PDRG1: variants seen among roughly 807,000 people sequenced by gnomAD.
The protein encoded by PDRG1 is p53 and DNA damage regulated 1, also known as p53 and DNA damage-regulated protein 1.
In PDRG1, 14 loss-of-function variants were observed where a neutral mutation model predicts 18.4. The observed-to-expected ratio is 0.76, with a 90% CI of 0.50 to 1.19. The LOEUF (loss-of-function observed/expected upper bound fraction) is 1.19, where lower values mean the gene tolerates loss of function less well. Among genes scored for constraint, PDRG1 ranks in the 50% most tolerant of loss-of-function variants. The pLI is 0.00. For synonymous variants in PDRG1, 65 were observed against 60.9 expected (o/e 1.07, Z -0.31); for missense variants, 177 against 160.1 (o/e 1.11, Z -0.57).
chr20:31,951,640 GC>G (rs1312303879), intron 1 of PDRG1, among the ~76,000 whole-genome samples: 1 of 152,186 alleles, frequency 6.6e-6, no homozygotes, highest in African/African-American at 2.4e-5. Flanking sequence ...CAGGGAAACG[GC>G]CCAGAGCATG....
In PDRG1 at chr20:31,951,998, C is replaced by G. The variant is rs781512309; in HGVS notation, c.-37G>C. ...ACTCCGCTTGCGGCTCTCGCGCGACCCCGGGATCTCCGCTTCGACTCCCGC... is the reference window on the plus strand; with the variant it reads ...ACTCCGCTTGCGGCTCTCGCGCGACGCCGGGATCTCCGCTTCGACTCCCGC... On this transcript the variant is annotated 5_prime_UTR_variant, in exon 1 of 5. Transcript: ENST00000202017. 1.1e-5 allele frequency: 16 copies of G among 1,502,040 alleles called. No homozygotes were observed. The highest frequency in any genetic ancestry group is 1.4e-5 in the Non-Finnish European group (16 of 1,128,752). 93.0% of individuals were successfully genotyped at this position (1,502,040 alleles called of 1,614,324 possible).
At chr20:31,947,317 T>C (rs553336797) in intron 3 of PDRG1, among the ~76,000 whole-genome samples, 3 of 152,336 alleles carry the variant, frequency 2.0e-5, no homozygotes, top group East Asian at 1.9e-4. Flanking sequence ...CTATTTCTCA[T>C]TGTGAATGAG....
In PDRG1 at chr20:31,945,627, T is replaced by C. The variant is rs1333723966; in HGVS notation, c.*180A>G. 1 of 515,658 alleles carries C rather than the reference T, an allele frequency of 1.9e-6. No homozygotes were observed. The highest frequency in any genetic ancestry group is 2.0e-5 in the African/African-American group (1 of 50,840). The allele number at this position is 515,658 out of a possible 1,614,324, so 31.9% of individuals were successfully genotyped here. A position where few individuals can be genotyped will look rare whatever the true frequency, so the allele number is the denominator to read the frequency against. On this transcript the variant is annotated 3_prime_UTR_variant, in exon 5 of 5. Transcript: ENST00000202017. ...GTCCAGGTCCAGCAGCCAGACAGGCTGAAGGTTCCCTCCTGCCATCACAGA... is the reference window on the plus strand; with the variant it reads ...GTCCAGGTCCAGCAGCCAGACAGGCCGAAGGTTCCCTCCTGCCATCACAGA...
Position 31,945,590 on chromosome 20 carries a change from C to T in PDRG1, c.*217G>A. On this transcript the variant is annotated 3_prime_UTR_variant, in exon 5 of 5. Transcript: ENST00000202017. ...GGCCCGTCAATAGATCTTGTGTCCA[C>T]CGAGCCCTGGTGTCCAGGTCCAGCA... 2 of 487,004 alleles carry T rather than the reference C, an allele frequency of 4.1e-6. No homozygotes were observed. Among genetic ancestry groups the T allele is most frequent in the Non-Finnish European group, 7.3e-6 (2 of 272,172 alleles). 30.2% of individuals were successfully genotyped at this position (487,004 alleles called of 1,614,324 possible). A position where few individuals can be genotyped will look rare whatever the true frequency, so the allele number is the denominator to read the frequency against.
At chr20:31,949,298 G>A (rs753367505) in intron 2 of PDRG1, among the ~76,000 whole-genome samples, 7 of 152,240 alleles carry the variant, frequency 4.6e-5, no homozygotes, top group Non-Finnish European at 7.3e-5. Flanking sequence ...GGGGCCGGGC[G>A]CAGTGGCTCA....
chr20:31,949,448 T>C (rs2064338610), intron 2 of PDRG1, among the ~76,000 whole-genome samples: 1 of 152,246 alleles, frequency 6.6e-6, no homozygotes, highest in Non-Finnish European at 1.5e-5. Context: ...GGCACACGCC[T>C]GTAATCTCAG....
At chr20:31,947,507 A>G (rs1464748865) in intron 3 of PDRG1, among the ~76,000 whole-genome samples, 1 of 152,240 alleles carries the variant, frequency 6.6e-6, no homozygotes, top group Non-Finnish European at 1.5e-5. Context: ...CACCAAGTGC[A>G]GTTTAATTTT....
At position 31,950,312 on chromosome 20, in the gene PDRG1, C is replaced by T; in HGVS notation, c.163G>A (p.Glu55Lys). Residue 55 changes from glutamate (E) to lysine (K), a missense_variant and splice_region_variant, in exon 2 of 5, where the codon GAA becomes AAA. Physicochemically the swap from Glu to Lys is moderately conservative, Grantham distance 56. Coordinates refer to ENST00000202017, the MANE Select transcript of PDRG1 (RefSeq NM_030815.3). Reference protein sequence around the residue: ...RALQKDLSLSEDVMVCFGNMF... With the variant: ...RALQKDLSLSKDVMVCFGNMF... ...CTGCACTGAGAAAATTTCAACTTAC[C>T]AGAGAGGCTGAGATCCTTCTGCAGG... The T allele has an allele frequency of 6.2e-7, 1 of 1,604,454 alleles. No homozygotes were observed.
At chr20:31,947,921 G>A (rs1386923744) in intron 3 of PDRG1, among the ~76,000 whole-genome samples, 3 of 152,138 alleles carry the variant, frequency 2.0e-5, no homozygotes, top group African/African-American at 4.8e-5. Context: ...ATTTCATGAG[G>A]TATGAAGACA....
At chr20:31,948,331 C>T (rs1053116986) in intron 3 of PDRG1, among the ~76,000 whole-genome samples, 5 of 152,198 alleles carry the variant, frequency 3.3e-5, no homozygotes, top group Admixed American at 2.0e-4. Flanking sequence ...CTCTATGTGG[C>T]GAAAGCCTTC....
chr20:31,949,966 T>G (rs2064341845), intron 2 of PDRG1, among the ~76,000 whole-genome samples: 1 of 152,180 alleles, frequency 6.6e-6, no homozygotes, highest in Non-Finnish European at 1.5e-5. Context: ...ATCTCTGGCT[T>G]TCTTACAATT....
rs1305578449 is a variant in PDRG1 at position 31,944,795 on chromosome 20, G to C, written c.*1012C>G. 6.6e-6 allele frequency: 1 copy of C among 152,226 alleles called. No individual in the cohort carries two copies. Among genetic ancestry groups the C allele is most frequent in the African/African-American group, 2.4e-5 (1 of 41,446 alleles). 9.4% of individuals were successfully genotyped at this position (152,226 alleles called of 1,614,324 possible). On this transcript the variant is annotated 3_prime_UTR_variant, in exon 5 of 5. Coordinates refer to ENST00000202017, the MANE Select transcript of PDRG1 (RefSeq NM_030815.3). ...ATGAGCCAGAGCCAAGGAGCGGGGG[G>C]ACCAGGAGAGGTGTGCCCCTGCCAT...
intron 1 of PDRG1, among the ~76,000 whole-genome samples, chr20:31,951,576 G>C (rs1030397261): frequency 1.3e-5 from 2 of 151,764 alleles, no homozygotes; most frequent in Non-Finnish European, 2.9e-5. Flanking sequence ...CCTTTACAGG[G>C]CGGTGCCCCT....
At position 31,945,787 on chromosome 20, in the gene PDRG1, C is replaced by A; in HGVS notation, c.*20G>T. The A allele has an allele frequency of 6.2e-7, 1 of 1,603,412 alleles. No individual in the cohort carries two copies. Among genetic ancestry groups the A allele is most frequent in the Non-Finnish European group, 8.5e-7 (1 of 1,170,798 alleles). On this transcript the variant is annotated 3_prime_UTR_variant, in exon 5 of 5. Coordinates refer to ENST00000202017, the MANE Select transcript of PDRG1 (RefSeq NM_030815.3). ...CATGACCCTGGGGGGTTGCTGGTCC[C>A]CCATCTTGGTTCTTGAGTCTCATCC...
intron 3 of PDRG1, 109 bp downstream of exon 3, chr20:31,948,699 C>T (rs2064333612): frequency 3.0e-6 from 3 of 1,002,094 alleles, no homozygotes; most frequent in East Asian, 4.9e-5. Context: ...AACCCTGTGA[C>T]AGAACTGCCT....
At chr20:31,947,323 A>G (rs2064325196) in intron 3 of PDRG1, among the ~76,000 whole-genome samples, 1 of 152,228 alleles carries the variant, frequency 6.6e-6, no homozygotes. Flanking sequence ...CTCATTGTGA[A>G]TGAGTAACCC....
At chr20:31,947,725 T>TA (rs2064327706) in intron 3 of PDRG1, among the ~76,000 whole-genome samples, 2 of 151,934 alleles carry the variant, frequency 1.3e-5, no homozygotes, top group Non-Finnish European at 2.9e-5. Context: ...CTGTCTTTAC[T>TA]AAAAAAACAC....
intron 4 of PDRG1, 43 bp from the exon 5 acceptor site, chr20:31,945,932 G>A (rs1411382409): frequency 3.2e-6 from 5 of 1,540,458 alleles, no homozygotes; most frequent in Non-Finnish European, 4.5e-6. Flanking sequence ...GCCTCCTGCT[G>A]GCTCTGGAGC....
intron 4 of PDRG1, 42 bp downstream of exon 4, chr20:31,946,454 A>T: frequency 6.6e-6 from 10 of 1,510,902 alleles, no homozygotes; most frequent in Non-Finnish European, 9.2e-6. Flanking sequence ...CATGCTGATG[A>T]TTCCCTCCCC....
Sources: gnomAD v4.1 joint callset for allele counts (sites outside exome capture counted in the v4.1 genomes callset) on GRCh38, gnomAD v4.1.1 for gene constraint, MANE v1.5 for transcripts, NCBI Gene and HGNC (gene_info 2026-07-23, HGNC 2026-07-21) for gene names.